Variants in NOVA1 observed in about 807,000 individuals in gnomAD.
NOVA1 encodes NOVA alternative splicing regulator 1.
In NOVA1, 7 loss-of-function variants were observed where a neutral mutation model predicts 38.0. That is an observed-to-expected ratio of 0.18 (90% CI 0.10 to 0.35). NOVA1 has a LOEUF of 0.35. Ranked by LOEUF, NOVA1 falls within the 10% of genes least tolerant of loss-of-function variation. NOVA1 has a pLI of 1.00. For missense variants in NOVA1, 460 were observed against 616.0 expected (o/e 0.75, Z 2.68); for synonymous variants, 270 against 232.5 (o/e 1.16, Z -1.47).
intron 2 of NOVA1, among the ~76,000 whole-genome samples, chr14:26,492,957 A>G (rs1052669859): frequency 6.6e-6 from 1 of 152,118 alleles, no homozygotes; most frequent in Non-Finnish European, 1.5e-5. Flanking sequence ...AATTAAAATT[A>G]AAAATAAGTA....
chr14:26,544,890 T>C (rs924452435), intron 2 of NOVA1, among the ~76,000 whole-genome samples: 2 of 152,048 alleles, frequency 1.3e-5, no homozygotes, highest in African/African-American at 4.8e-5. Flanking sequence ...TGAGTCTATC[T>C]CTTCTAATAA....
chr14:26,586,710 C>A (rs558047026), intron 2 of NOVA1, among the ~76,000 whole-genome samples: 1 of 151,058 alleles, frequency 6.6e-6, no homozygotes. Flanking sequence ...CATAAAAACA[C>A]TGCCACTTTC....
intron 2 of NOVA1, among the ~76,000 whole-genome samples, chr14:26,535,318 G>A (rs1889988124): frequency 6.6e-6 from 1 of 152,076 alleles, no homozygotes. Flanking sequence ...CTTTCAATGT[G>A]ACTTCACTAA....
At chr14:26,495,907 T>C (rs576231543) in intron 2 of NOVA1, among the ~76,000 whole-genome samples, 1 of 125,464 alleles carries the variant, frequency 8.0e-6, no homozygotes, top group African/African-American at 2.7e-5. Context: ...TGTTGGACAT[T>C]TGGGTTGGTT....
At chr14:26,472,660 T>C (rs999788546) in intron 3 of NOVA1, among the ~76,000 whole-genome samples, 1 of 152,012 alleles carries the variant, frequency 6.6e-6, no homozygotes, top group Non-Finnish European at 1.5e-5. Context: ...AAAAGTATCC[T>C]GACCATATTC....
intron 2 of NOVA1, among the ~76,000 whole-genome samples, chr14:26,546,271 A>G (rs1233968625): frequency 6.6e-6 from 1 of 152,126 alleles, no homozygotes; most frequent in African/African-American, 2.4e-5. Flanking sequence ...CACTTAGGAT[A>G]AAAAGAATTG....
At chr14:26,550,759 G>A (rs1035425334) in intron 2 of NOVA1, among the ~76,000 whole-genome samples, 2 of 152,022 alleles carry the variant, frequency 1.3e-5, no homozygotes, top group Admixed American at 6.6e-5. Flanking sequence ...GACTGAGGGT[G>A]CTTTGTGACA....
At chr14:26,592,712 C>A (rs1028651134) in intron 2 of NOVA1, 2 of 151,430 alleles carry the variant, frequency 1.3e-5, no homozygotes, top group African/African-American at 4.8e-5. Context: ...GGCAGGGTTG[C>A]TTAAGATATT....
chr14:26,501,595 C>T (rs1887246251), intron 2 of NOVA1, among the ~76,000 whole-genome samples: 1 of 151,620 alleles, frequency 6.6e-6, no homozygotes, highest in Non-Finnish European at 1.5e-5. Flanking sequence ...CTCATTAATA[C>T]ATCTATAAAG....
intron 2 of NOVA1, among the ~76,000 whole-genome samples, chr14:26,591,768 T>C (rs1020160841): frequency 6.6e-6 from 1 of 151,600 alleles, no homozygotes; most frequent in African/African-American, 2.4e-5. Context: ...AAAATTTCAC[T>C]TACATTCTGC....
At chr14:26,589,843 C>T (rs987437519) in intron 2 of NOVA1, among the ~76,000 whole-genome samples, 3 of 151,682 alleles carry the variant, frequency 2.0e-5, no homozygotes, top group East Asian at 1.9e-4. Flanking sequence ...ATATTAAAGA[C>T]GTAGGAAAGC....
intron 4 of NOVA1, among the ~76,000 whole-genome samples, chr14:26,467,243 C>G (rs192156001): frequency 7.8e-4 from 118 of 152,156 alleles, no homozygotes; most frequent in Non-Finnish European, 1.4e-3. Flanking sequence ...ATCCTGGAAG[C>G]CAAGTAAACA....
At chr14:26,508,717 T>G (rs1887831385) in intron 2 of NOVA1, among the ~76,000 whole-genome samples, 1 of 152,006 alleles carries the variant, frequency 6.6e-6, no homozygotes, top group African/African-American at 2.4e-5. Context: ...AAAGGATTAG[T>G]AGAGTATTCT....
chr14:26,535,437 G>A (rs1889995790), intron 2 of NOVA1, among the ~76,000 whole-genome samples: 1 of 152,084 alleles, frequency 6.6e-6, no homozygotes, highest in South Asian at 2.1e-4. Context: ...TAAAATAAAG[G>A]ACAATAGGGC....
At chr14:26,511,258 A>AT (rs1347145588) in intron 2 of NOVA1, among the ~76,000 whole-genome samples, 1 of 107,712 alleles carries the variant, frequency 9.3e-6, no homozygotes, top group African/African-American at 2.7e-5. Context: ...TCAAATTAAT[A>AT]TTTTTTATAC....
intron 2 of NOVA1, among the ~76,000 whole-genome samples, chr14:26,527,289 C>T (rs1478436333): frequency 1.1e-4 from 17 of 152,018 alleles, no homozygotes; most frequent in Admixed American, 5.9e-4. Flanking sequence ...TGGAGATGAG[C>T]GTTATAGTTG....
chr14:26,510,431 A>T (rs998546551), intron 2 of NOVA1, among the ~76,000 whole-genome samples: 3 of 152,238 alleles, frequency 2.0e-5, no homozygotes, highest in Non-Finnish European at 4.4e-5. Flanking sequence ...AATAATAAAC[A>T]ACATGCATAA....
At chr14:26,572,211 A>G (rs1202407066) in intron 2 of NOVA1, among the ~76,000 whole-genome samples, 1 of 152,202 alleles carries the variant, frequency 6.6e-6, no homozygotes, top group Non-Finnish European at 1.5e-5. Context: ...TCAAGAACAT[A>G]AAGGGGAAGA....
intron 4 of NOVA1, among the ~76,000 whole-genome samples, chr14:26,461,089 A>C (rs1026401316): frequency 6.6e-6 from 1 of 152,198 alleles, no homozygotes; most frequent in Non-Finnish European, 1.5e-5. Context: ...AACTTTGATG[A>C]AACAGAGAAA....
Sources: allele counts gnomAD v4.1 joint callset (sites outside exome capture counted in the v4.1 genomes callset), GRCh38; gene constraint gnomAD v4.1.1; transcripts MANE v1.5; gene names NCBI Gene and HGNC (gene_info 2026-07-23, HGNC 2026-07-21).